The following AHCYL1 variants were observed in gnomAD, a reference collection of about 807,000 sequenced individuals.
AHCYL1 encodes adenosylhomocysteinase like 1.
In AHCYL1, 20 loss-of-function variants were observed where a neutral mutation model predicts 79.3. The observed-to-expected ratio is 0.25, with a 90% CI of 0.18 to 0.37. The LOEUF is 0.37. AHCYL1 is among the 10% of genes least tolerant of loss of function. The pLI, the probability that AHCYL1 is intolerant of heterozygous loss-of-function variation, is 1.00. For synonymous variants in AHCYL1, 223 were observed against 242.2 expected (o/e 0.92, Z 0.74); for missense variants, 330 against 673.6 (o/e 0.49, Z 5.65).
chr1:109,986,778 T>C (rs575585938), intron 1 of AHCYL1, among the ~76,000 whole-genome samples: 6 of 152,354 alleles, frequency 3.9e-5, no homozygotes, highest in Admixed American at 3.3e-4. Context: ...GCAGGGATTC[T>C]TGTTCACCTT....
intron 13 of AHCYL1, 194 bp downstream of exon 13, chr1:110,018,844 C>G: frequency 1.4e-6 from 1 of 725,064 alleles, no homozygotes; most frequent in Non-Finnish European, 2.3e-6. Flanking sequence ...AACACTATTT[C>G]CTAACCACAG....
chr1:110,011,161 G>C, intron 2 of AHCYL1, 53 bp from the exon 3 acceptor site: 4 of 1,606,272 alleles, frequency 2.5e-6, no homozygotes, highest in Non-Finnish European at 2.6e-6. Context: ...ACTCTGTAGA[G>C]TTGGGGACCA....
intron 16 of AHCYL1, 87 bp downstream of exon 16, chr1:110,020,938 T>A: frequency 1.3e-6 from 2 of 1,510,902 alleles, no homozygotes; most frequent in Admixed American, 4.5e-5. Context: ...AGATCAAATG[T>A]TGTACCTGAT....
At chr1:109,994,992 A>G (rs965935822) in intron 1 of AHCYL1, among the ~76,000 whole-genome samples, 14 of 152,166 alleles carry the variant, frequency 9.2e-5, no homozygotes, top group East Asian at 3.8e-4. Context: ...AGGAAAATGC[A>G]TCTTGGTGGG....
chr1:110,019,639 CA>C lies in AHCYL1; in HGVS notation c.1465+14del. On this transcript the variant is annotated intron_variant, in intron 15 of 16. Transcript: ENST00000369799. ...CCTAAGAAAATGGGTGAGTGAAAAA[CA>C]GTGGAAATCTATGCAGACAGCTGCA... is the stretch of plus-strand genomic sequence containing the variant. The C allele has an allele frequency of 6.2e-7, 1 of 1,606,946 alleles. No individual in the cohort carries two copies. The highest frequency in any genetic ancestry group is 8.5e-7 in the Non-Finnish European group (1 of 1,176,602).
At chr1:110,003,330 T>C (rs1363885909) in intron 1 of AHCYL1, among the ~76,000 whole-genome samples, 4 of 152,136 alleles carry the variant, frequency 2.6e-5, no homozygotes, top group African/African-American at 9.7e-5. Context: ...AAAGTATGCA[T>C]GTGTATGTGT....
intron 1 of AHCYL1, among the ~76,000 whole-genome samples, chr1:109,998,134 G>C (rs1650119023): frequency 6.6e-6 from 1 of 152,192 alleles, no homozygotes; most frequent in Admixed American, 6.5e-5. Context: ...GCCTAAGCTA[G>C]AGAATATAAT....
intron 10 of AHCYL1, 25 bp downstream of exon 10, chr1:110,017,608 T>C: frequency 4.4e-6 from 7 of 1,602,258 alleles, no homozygotes; most frequent in Non-Finnish European, 6.0e-6. Flanking sequence ...ATAATACTAT[T>C]AGATTCACTC....
At chr1:109,997,987 G>A (rs768339451) in intron 1 of AHCYL1, among the ~76,000 whole-genome samples, 39 of 152,316 alleles carry the variant, frequency 2.6e-4, no homozygotes, top group Middle Eastern at 3.4e-3. Context: ...CCCCAGAGGA[G>A]TGAGGAGGCT....
At chr1:110,011,460 G>C in intron 3 of AHCYL1, 103 bp downstream of exon 3, 1 of 1,487,646 alleles carries the variant, frequency 6.7e-7, no homozygotes, top group Non-Finnish European at 9.1e-7. Flanking sequence ...AAGTGTACTG[G>C]GAAGAAAGAC....
chr1:110,012,253 G>GT (rs1238912839), intron 3 of AHCYL1, 109 bp from the exon 4 acceptor site: 2 of 921,194 alleles, frequency 2.2e-6, no homozygotes, highest in African/African-American at 3.4e-5. Flanking sequence ...TAGGCTTAAA[G>GT]TTTTTCTGCC....
chr1:109,990,440 C>T (rs1162618062), intron 1 of AHCYL1, among the ~76,000 whole-genome samples: 3 of 152,132 alleles, frequency 2.0e-5, no homozygotes. Context: ...CTCCGTAGCT[C>T]TGAAAGTTAC....
chr1:109,995,619 C>CCTGA, intron 1 of AHCYL1: 7 of 980,240 alleles, frequency 7.1e-6, no homozygotes, highest in Non-Finnish European at 8.5e-6. Context: ...GCCTAGTAAA[C>CCTGA]TCAGTGTACT....
chr1:109,987,323 G>T (rs1329371449), intron 1 of AHCYL1, among the ~76,000 whole-genome samples: 1 of 152,176 alleles, frequency 6.6e-6, no homozygotes, highest in East Asian at 1.9e-4. Context: ...TTGATAACGT[G>T]AAAGCATGGG....
chr1:109,988,944 G>A (rs938432159), intron 1 of AHCYL1, among the ~76,000 whole-genome samples: 5 of 152,130 alleles, frequency 3.3e-5, no homozygotes, highest in South Asian at 4.1e-4. Context: ...GTTATCTTAC[G>A]GTTAATTTTT....
In AHCYL1 at chr1:110,019,549, C is replaced by G; in HGVS notation, c.1388C>G (p.Ala463Gly). 6.2e-7 allele frequency: 1 copy of G among 1,603,498 alleles called. No individual in the cohort carries two copies. The highest frequency in any genetic ancestry group is 8.5e-7 in the Non-Finnish European group (1 of 1,177,230). Residue 463 changes from alanine (A) to glycine (G), a missense_variant and splice_region_variant, in exon 15 of 17, where the codon GCT becomes GGT. Around this residue, in one of 6 missense-constraint regions of AHCYL1, gnomAD observed 119 missense variants for 293.3 expected, o/e 0.41. Transcript: ENST00000369799. ...TCTGGCCTTCTTTTCCCACCTTAGG[C>G]TTTGGCACTGATAGAACTCTATAAT... ...FVLSITATTQ[A>G]LALIELYNAP...
chr1:109,991,014 A>ATG (rs778858878), intron 1 of AHCYL1, among the ~76,000 whole-genome samples: 26 of 151,402 alleles, frequency 1.7e-4, no homozygotes, highest in Non-Finnish European at 2.9e-4. Context: ...TCCTGTAGAA[A>ATG]TGTGTGGCCT....
In AHCYL1 at chr1:109,999,298, A is replaced by G. The variant is rs116224724; in HGVS notation, c.121-9736A>G. ...ATGTGTGTGTATTGTATGTGATGAG[A>G]ATACTTAGGATCTACTCTTAGCAGA... On this transcript the variant is annotated intron_variant, in intron 1 of 16. Coordinates refer to ENST00000369799, the MANE Select transcript of AHCYL1 (RefSeq NM_006621.7). Among the ~76,000 whole-genome samples the G allele has an allele frequency of 5.0e-3, 758 of 152,332 alleles. 6 individuals are homozygous for G. Among genetic ancestry groups the G allele is most frequent in the African/African-American group, 0.017 (721 of 41,568 alleles).
At chr1:109,992,204 C>T (rs1339120333) in intron 1 of AHCYL1, among the ~76,000 whole-genome samples, 2 of 151,902 alleles carry the variant, frequency 1.3e-5, no homozygotes, top group Non-Finnish European at 1.5e-5. Context: ...GTCAGGAGAT[C>T]GAGACCATCA....
Sources: gnomAD v4.1 joint callset for allele counts (sites outside exome capture counted in the v4.1 genomes callset) on GRCh38, gnomAD v4.1.1 for gene constraint, gnomAD v4.1.1 regional missense constraint, MANE v1.5 for transcripts, NCBI Gene and HGNC (gene_info 2026-07-23, HGNC 2026-07-21) for gene names.